The following IL1RAPL1 variants were observed in gnomAD, a reference collection of about 807,000 sequenced individuals.
The protein encoded by IL1RAPL1 is interleukin-1 receptor accessory protein-like 1.
IL1RAPL1 carries 3 observed loss-of-function variants against 48.4 expected under a neutral mutation model. The ratio of observed to expected loss-of-function variants is 0.06; its 90% confidence interval spans 0.03 to 0.16. The LOEUF is 0.16. IL1RAPL1 is among the 10% of genes least tolerant of loss of function. IL1RAPL1 has a pLI of 1.00. For synonymous variants in IL1RAPL1, 185 were observed against 187.7 expected, an observed-to-expected ratio of 0.99 and a Z score of 0.12; for missense variants, 349 against 530.6, an observed-to-expected ratio of 0.66 and a Z score of 3.36.
intron 3 of IL1RAPL1, among the ~76,000 whole-genome samples, chrX:29,301,253 A>G (rs2147611491): frequency 8.9e-6 from 1 of 111,808 alleles, no homozygotes; most frequent in South Asian, 3.8e-4. Context: ...TAGATCTCAG[A>G]TCTTAAAAGA....
At chrX:29,821,915 T>G (rs1930628780) in intron 6 of IL1RAPL1, among the ~76,000 whole-genome samples, 1 of 112,085 alleles carries the variant, frequency 8.9e-6, no homozygotes, top group African/African-American at 3.2e-5. Context: ...GACACAGATC[T>G]GAAGTATTTT....
At chrX:28,783,563 T>A (rs1359437634) in intron 1 of IL1RAPL1, among the ~76,000 whole-genome samples, 1 of 111,283 alleles carries the variant, frequency 9.0e-6, no homozygotes, top group Non-Finnish European at 1.9e-5. Flanking sequence ...AGAAAAAAAT[T>A]ATCTTGGTGA....
intron 5 of IL1RAPL1, among the ~76,000 whole-genome samples, chrX:29,588,391 G>T (rs1602312673): frequency 1.8e-5 from 2 of 112,087 alleles, no homozygotes; most frequent in South Asian, 7.4e-4. Flanking sequence ...AGTATGAACA[G>T]CTGTAGTACC....
intron 2 of IL1RAPL1, among the ~76,000 whole-genome samples, chrX:29,103,904 A>C (rs972101373): frequency 4.5e-5 from 5 of 112,079 alleles, no homozygotes; most frequent in Non-Finnish European, 9.4e-5. Context: ...AGAAATGCAA[A>C]TCAAAACTAC....
chrX:29,429,925 G>GTGTGTA (rs1229530093), intron 5 of IL1RAPL1, among the ~76,000 whole-genome samples: 5 of 105,380 alleles, frequency 4.7e-5, no homozygotes, highest in Non-Finnish European at 9.8e-5. Flanking sequence ...GTGTGTGTGT[G>GTGTGTA]TATTTTTTTT....
intron 2 of IL1RAPL1, among the ~76,000 whole-genome samples, chrX:29,093,073 A>G (rs1034876167): frequency 1.3e-4 from 15 of 112,250 alleles, no homozygotes; most frequent in Non-Finnish European, 2.1e-4. Flanking sequence ...CCATCTTTTC[A>G]TAAATTTTCA....
Position 29,033,901 on chromosome X carries a change from C to CAA in IL1RAPL1, c.82+244477_82+244478insAA, listed in dbSNP as rs72310838. 5.2e-3 allele frequency among the ~76,000 whole-genome samples: 557 copies of CAA among 106,771 alleles called. 4 individuals carry two copies. The highest frequency in any genetic ancestry group is 0.018 in the African/African-American group (537 of 29,454). 92.7% of individuals were successfully genotyped at this position (106,771 alleles called of 115,157 possible). On this transcript the variant is annotated intron_variant, in intron 2 of 10. Transcript: ENST00000378993. ...GAAAAGGGAAAAGCAAGAAATGGGA[C>CAA]ACACACACACACACACACACACAAA...
intron 2 of IL1RAPL1, among the ~76,000 whole-genome samples, chrX:29,171,962 C>G (rs1295739500): frequency 8.9e-6 from 1 of 111,886 alleles, no homozygotes; most frequent in Non-Finnish European, 1.9e-5. Context: ...TCAATTTGTT[C>G]TAAGCTTCTT....
At chrX:29,656,631 TTA>T (rs763501932) in intron 5 of IL1RAPL1, among the ~76,000 whole-genome samples, 11 of 103,896 alleles carry the variant, frequency 1.1e-4, no homozygotes, top group African/African-American at 1.2e-4. Flanking sequence ...GTATTTCATT[TTA>T]TATATATATA....
intron 3 of IL1RAPL1, among the ~76,000 whole-genome samples, chrX:29,335,272 ACGGAGAG>A (rs1230452766): frequency 4.4e-5 from 1 of 22,806 alleles, no homozygotes; most frequent in African/African-American, 2.0e-4. Context: ...GGAGACGGAG[ACGGAGAG>A]GGGAGAGGGG....
intron 2 of IL1RAPL1, among the ~76,000 whole-genome samples, chrX:29,271,891 C>T (rs1932047560): frequency 9.0e-6 from 1 of 111,401 alleles, no homozygotes; most frequent in African/African-American, 3.3e-5. Context: ...TTTTGCCGTG[C>T]AGAAGCTCTT....
At chrX:28,729,555 G>C (rs748449827) in intron 1 of IL1RAPL1, among the ~76,000 whole-genome samples, 1 of 110,911 alleles carries the variant, frequency 9.0e-6, no homozygotes, top group South Asian at 3.8e-4. Flanking sequence ...GTTCAAAGAA[G>C]CTTTACCTAA....
intron 2 of IL1RAPL1, among the ~76,000 whole-genome samples, chrX:29,014,618 A>G (rs1478207609): frequency 1.8e-5 from 2 of 111,920 alleles, no homozygotes; most frequent in East Asian, 5.6e-4. Context: ...ATATGCACAC[A>G]GTTATTTCAA....
Position 29,313,041 on chromosome X carries a change from A to G in IL1RAPL1, c.362+29824A>G, listed in dbSNP as rs1450065140. ...GTATGTATTTATCAGCAGCATGAAG[A>G]AGGACTAATACAGAGGCCATTCGTA... On this transcript the variant is annotated intron_variant, in intron 3 of 10. Coordinates refer to ENST00000378993, the MANE Select transcript of IL1RAPL1 (RefSeq NM_014271.4). 1.8e-5 allele frequency among the ~76,000 whole-genome samples: 2 copies of G among 111,974 alleles called. 1 individual carries two copies. The highest frequency in any genetic ancestry group is 3.8e-5 in the Non-Finnish European group (2 of 53,233).
chrX:29,454,857 G>A (rs1391208520), intron 5 of IL1RAPL1, among the ~76,000 whole-genome samples: 2 of 107,775 alleles, frequency 1.9e-5, no homozygotes, highest in Non-Finnish European at 3.8e-5. Context: ...AACTTCTCAT[G>A]CATAGTAGAG....
At chrX:29,548,593 T>A in intron 5 of IL1RAPL1, among the ~76,000 whole-genome samples, 1 of 112,245 alleles carries the variant, frequency 8.9e-6, no homozygotes, top group Non-Finnish European at 1.9e-5. Flanking sequence ...AAAGGTTTTT[T>A]ATGAAATATA....
chrX:29,664,368 C>T (rs1048440376), intron 5 of IL1RAPL1, among the ~76,000 whole-genome samples: 2 of 98,767 alleles, frequency 2.0e-5, no homozygotes, highest in Admixed American at 2.2e-4. Flanking sequence ...CGCGCCACTG[C>T]ACTCCGGCCT....
At chrX:29,287,172 TA>T (rs1190502418) in intron 3 of IL1RAPL1, among the ~76,000 whole-genome samples, 11 of 111,889 alleles carry the variant, frequency 9.8e-5, no homozygotes, top group East Asian at 8.4e-4. Flanking sequence ...AATGCAATAT[TA>T]ATGAAATCAT....
At chrX:28,889,688 C>T (rs993596054) in intron 2 of IL1RAPL1, among the ~76,000 whole-genome samples, 1 of 111,347 alleles carries the variant, frequency 9.0e-6, no homozygotes, top group African/African-American at 3.3e-5. Context: ...TTAGGGCTTT[C>T]GTATTTGGCT....
Sources: allele counts gnomAD v4.1 joint callset (sites outside exome capture counted in the v4.1 genomes callset), GRCh38; gene constraint gnomAD v4.1.1; transcripts MANE v1.5; gene names NCBI Gene and HGNC (gene_info 2026-07-23, HGNC 2026-07-21).